Variants in TMEM178B observed in about 807,000 individuals in gnomAD.
TMEM178B encodes the protein transmembrane protein 178B.
A neutral mutation model predicts 31.0 loss-of-function variants in TMEM178B; 5 were observed. That is an observed-to-expected ratio of 0.16 (90% CI 0.08 to 0.34). The LOEUF (loss-of-function observed/expected upper bound fraction) is 0.34. Ranked by LOEUF, TMEM178B falls within the 10% of genes least tolerant of loss-of-function variation. The pLI is 1.00. For synonymous variants in TMEM178B, 164 were observed against 164.0 expected, an observed-to-expected ratio of 1.00 and a Z score of 0.00; for missense variants, 275 against 400.3, an observed-to-expected ratio of 0.69 and a Z score of 2.67.
rs1213417203 is a variant in TMEM178B, at chr7:141,346,026, C to CCT, written c.497-91581_497-91580dup. Among the ~76,000 whole-genome samples, 809 of 152,074 alleles carry CCT rather than the reference C, an allele frequency of 5.3e-3. 7 individuals carry two copies. The highest frequency in any genetic ancestry group is 0.018 in the African/African-American group (764 of 41,478). ...AGGCGGGCGGATCACGAGAGACCAT[C>CCT]CTGGCTAACACAGTGAAACCCTGTC... On this transcript the variant is annotated intron_variant, in intron 2 of 3. Coordinates refer to ENST00000565468, the MANE Select transcript of TMEM178B (RefSeq NM_001195278.2).
At chr7:141,333,211 C>T (rs988563621) in intron 2 of TMEM178B, among the ~76,000 whole-genome samples, 4 of 152,186 alleles carry the variant, frequency 2.6e-5, no homozygotes, top group African/African-American at 7.2e-5. Context: ...CTTGATCACG[C>T]GTTAGTTGGT....
At chr7:141,432,165 T>C (rs1801445063) in intron 2 of TMEM178B, among the ~76,000 whole-genome samples, 1 of 111,948 alleles carries the variant, frequency 8.9e-6, no homozygotes, top group Admixed American at 8.6e-5. Flanking sequence ...TTTTTTTTTT[T>C]TTTTTTTTTG....
In TMEM178B at chr7:141,187,712, A is replaced by C. The variant is rs933189416; in HGVS notation, c.383-24879A>C. Among the ~76,000 whole-genome samples the C allele has an allele frequency of 3.3e-5, 5 of 152,082 alleles. No individual in the cohort carries two copies. In the East Asian group the frequency reaches 9.6e-4, roughly 29 times the overall value. ...GGCCAGTGATGATGAGCATTTTTTC[A>C]TGTGTTGTTTGGCTGCATAAATGTC... On this transcript the variant is annotated intron_variant, in intron 1 of 3. Transcript: ENST00000565468.
Position 141,355,977 on chromosome 7 carries a change from G to A in TMEM178B, c.497-81631G>A, listed in dbSNP as rs1437101754. 4.6e-5 allele frequency among the ~76,000 whole-genome samples: 7 copies of A among 152,250 alleles called. No individual in the cohort carries two copies. In the South Asian group the frequency reaches 1.5e-3, roughly 32 times the overall value. On this transcript the variant is annotated intron_variant, in intron 2 of 3. Transcript: ENST00000565468. ...CTGATAACGTGATATTTGGTTTTCT[G>A]TTTCTGTGTTAATTCTCTTAGGATA...
At chr7:141,364,591 G>C (rs1738384078) in intron 2 of TMEM178B, among the ~76,000 whole-genome samples, 1 of 149,632 alleles carries the variant, frequency 6.7e-6, no homozygotes, top group African/African-American at 2.5e-5. Flanking sequence ...ACCCAGGAGG[G>C]AGAGGTTGCA....
intron 3 of TMEM178B, among the ~76,000 whole-genome samples, chr7:141,443,577 A>G (rs1801699827): frequency 6.6e-6 from 1 of 152,230 alleles, no homozygotes; most frequent in Non-Finnish European, 1.5e-5. Context: ...TGCCATTTTC[A>G]TCACATCATT....
At chr7:141,436,288 C>T (rs1277842270) in intron 2 of TMEM178B, among the ~76,000 whole-genome samples, 1 of 152,128 alleles carries the variant, frequency 6.6e-6, no homozygotes, top group Non-Finnish European at 1.5e-5. Context: ...AAAAGATTGT[C>T]CAGGCAGGCT....
Position 141,074,212 on chromosome 7 carries a change from C to A in TMEM178B, c.-99C>A, listed in dbSNP as rs1444099080. 2 of 1,428,954 alleles carry A rather than the reference C, an allele frequency of 1.4e-6. No individual in the cohort carries two copies. Among genetic ancestry groups the A allele is most frequent in the Non-Finnish European group, 1.8e-6 (2 of 1,093,728 alleles). 88.5% of individuals were successfully genotyped at this position (1,428,954 alleles called of 1,614,324 possible). A position where few individuals can be genotyped will look rare whatever the true frequency, so the allele number is the denominator to read the frequency against. ...CGCGGCGCGAGTCCCTCTCCTGCCC[C>A]CTCCCCCAGCTCGGCCGCCCGCCGC... On this transcript the variant is annotated 5_prime_UTR_variant, in exon 1 of 4. Coordinates refer to ENST00000565468, the MANE Select transcript of TMEM178B (RefSeq NM_001195278.2). This position sits in a 1 kb window ranked among gnomAD's most constrained non-coding sequence, Gnocchi z 5.1.
At chr7:141,442,489 G>C (rs1016238881) in intron 3 of TMEM178B, among the ~76,000 whole-genome samples, 2 of 152,138 alleles carry the variant, frequency 1.3e-5, no homozygotes, top group African/African-American at 4.8e-5. Flanking sequence ...CACCTCTTTA[G>C]AAGCTGTTTG....
At chr7:141,338,519 TG>T (rs1001978524) in intron 2 of TMEM178B, among the ~76,000 whole-genome samples, 3 of 152,102 alleles carry the variant, frequency 2.0e-5, no homozygotes, top group Non-Finnish European at 2.9e-5. Context: ...TGATATTGGA[TG>T]GGGATGGGAG....
intron 2 of TMEM178B, among the ~76,000 whole-genome samples, chr7:141,407,723 C>T (rs1800909743): frequency 6.6e-6 from 1 of 152,154 alleles, no homozygotes; most frequent in Non-Finnish European, 1.5e-5. Context: ...CCTATTGGAA[C>T]CCAATCTGAT....
intron 2 of TMEM178B, among the ~76,000 whole-genome samples, chr7:141,241,211 C>T (rs928514581): frequency 6.6e-6 from 1 of 151,708 alleles, no homozygotes; most frequent in African/African-American, 2.4e-5. Flanking sequence ...CATTATATCA[C>T]TCTGTATGCC....
At chr7:141,088,035 G>C (rs1794816188) in intron 1 of TMEM178B, among the ~76,000 whole-genome samples, 2 of 152,142 alleles carry the variant, frequency 1.3e-5, no homozygotes, top group Non-Finnish European at 2.9e-5. Flanking sequence ...GCCCTGGACA[G>C]GCCTGGGCTG....
intron 2 of TMEM178B, among the ~76,000 whole-genome samples, chr7:141,297,700 G>A (rs1326461907): frequency 1.3e-5 from 2 of 152,158 alleles, no homozygotes; most frequent in Non-Finnish European, 1.5e-5. Flanking sequence ...CCTTTTTTAT[G>A]GCTGCATAGT....
At chr7:141,489,333 A>G in the TMEM178B span, among the ~76,000 whole-genome samples, 2 of 152,120 alleles carry the variant, frequency 1.3e-5, no homozygotes, top group Non-Finnish European at 2.9e-5. Flanking sequence ...GTGAAGCTCC[A>G]CTTTTCATTT....
At chr7:141,192,458 T>C (rs992750091) in intron 1 of TMEM178B, among the ~76,000 whole-genome samples, 1 of 148,094 alleles carries the variant, frequency 6.8e-6, no homozygotes, top group African/African-American at 2.5e-5. Flanking sequence ...GGTTGAGAGA[T>C]GGGAAGGAAT....
At chr7:141,332,529 G>A (rs1024727963) in intron 2 of TMEM178B, among the ~76,000 whole-genome samples, 6 of 152,144 alleles carry the variant, frequency 3.9e-5, no homozygotes, top group African/African-American at 9.6e-5. Context: ...TCCCTTCATC[G>A]TCCATTCCTC....
chr7:141,434,586 GA>G (rs1801499670), intron 2 of TMEM178B, among the ~76,000 whole-genome samples: 1 of 152,166 alleles, frequency 6.6e-6, no homozygotes, highest in African/African-American at 2.4e-5. Context: ...GGGATATTGA[GA>G]ATATCCATCA....
chr7:141,462,138 G>C (rs1312844681), intron 3 of TMEM178B, among the ~76,000 whole-genome samples: 1 of 152,164 alleles, frequency 6.6e-6, no homozygotes, highest in Admixed American at 6.5e-5. Flanking sequence ...CAGCAGAGAG[G>C]GTAGCCAATT....
Sources: gnomAD v4.1 joint callset for allele counts (sites outside exome capture counted in the v4.1 genomes callset) on GRCh38, gnomAD v4.1.1 for gene constraint, Gnocchi (gnomAD v3.1) non-coding constraint, MANE v1.5 for transcripts, NCBI Gene and HGNC (gene_info 2026-07-23, HGNC 2026-07-21) for gene names.